Variants in ZNF644 observed in about 807,000 individuals in gnomAD.
The protein encoded by ZNF644 is zinc finger protein 644, also known as zinc finger motif enhancer binding protein 2.
Under a neutral mutation model 108.0 loss-of-function variants are expected in ZNF644, and 20 were observed. The observed-to-expected ratio is 0.19, with a 90% CI of 0.13 to 0.27. The LOEUF (loss-of-function observed/expected upper bound fraction) is 0.27, where lower values mean the gene tolerates loss of function less well. Among genes scored for constraint, ZNF644 ranks in the 10% least tolerant of loss-of-function variants. The pLI, the probability that ZNF644 is intolerant of heterozygous loss-of-function variation, is 1.00. For synonymous variants in ZNF644, 542 were observed against 539.1 expected (o/e 1.01, Z -0.08); for missense variants, 1,338 against 1,548.9 (o/e 0.86, Z 2.29).
At chr1:90,997,169 G>A (rs565185978) in intron 1 of ZNF644, among the ~76,000 whole-genome samples, 19 of 152,300 alleles carry the variant, frequency 1.2e-4, no homozygotes, top group Admixed American at 1.2e-3. Context: ...AGAAAGGGCT[G>A]TATACACGCC....
chr1:90,953,702 G>C (rs1653436374), intron 2 of ZNF644, among the ~76,000 whole-genome samples: 1 of 151,992 alleles, frequency 6.6e-6, no homozygotes. Flanking sequence ...ATCACCTGAG[G>C]TCAAGAGTTC....
chr1:91,021,849 G>A (rs1411316072), intron 1 of ZNF644, 141 bp downstream of exon 1: 1 of 397,496 alleles, frequency 2.5e-6, no homozygotes, highest in Non-Finnish European at 4.4e-6. Context: ...CCAGCCTAGG[G>A]CGTAGCTCCC....
intron 2 of ZNF644, among the ~76,000 whole-genome samples, chr1:90,948,821 C>T (rs192637607): frequency 2.4e-4 from 37 of 152,238 alleles, no homozygotes; most frequent in African/African-American, 8.7e-4. Flanking sequence ...TGGAACATAA[C>T]GAATGTATAC....
intron 1 of ZNF644, among the ~76,000 whole-genome samples, chr1:91,001,200 C>T (rs1356691566): frequency 6.6e-6 from 1 of 152,170 alleles, no homozygotes. Context: ...CCAGCATCAT[C>T]CTGATACCAA....
chr1:90,934,341 T>C (rs190365871), intron 4 of ZNF644, among the ~76,000 whole-genome samples: 48 of 152,002 alleles, frequency 3.2e-4, no homozygotes, highest in Non-Finnish European at 5.0e-4. Context: ...TTCTAGGACA[T>C]GAGGAAGAAC....
Position 90,937,898 on chromosome 1 carries a change from A to AT in ZNF644, c.3274dup (p.Ile1092AsnfsTer24), listed in dbSNP as rs769886813. On this transcript the variant is annotated frameshift_variant, in exon 4 of 6. Transcript: ENST00000337393. LOFTEE classifies it high-confidence loss of function. Reference sequence around the variant, plus strand: ...ACGACGACTGTTCAATGCCTTTAAGATTTTTTCATATTTTTCTTCATTTTG... The same window carrying AT: ...ACGACGACTGTTCAATGCCTTTAAGATTTTTTTCATATTTTTCTTCATTTTG... The AT allele has an allele frequency of 6.2e-7, 1 of 1,613,670 alleles. No individual in the cohort carries two copies. The highest frequency in any genetic ancestry group is 1.1e-5 in the South Asian group (1 of 91,062).
At chr1:90,959,942 G>A (rs548259363) in intron 2 of ZNF644, among the ~76,000 whole-genome samples, 8 of 152,060 alleles carry the variant, frequency 5.3e-5, no homozygotes, top group African/African-American at 1.2e-4. Flanking sequence ...GCTATTCTAC[G>A]GAGCTTGATG....
Position 91,014,259 on chromosome 1 carries a change from CA to C in ZNF644, c.-18+7730del, listed in dbSNP as rs34483576. Among the ~76,000 whole-genome samples the C allele has an allele frequency of 1.5e-3, 233 of 152,244 alleles. 4 individuals carry two copies. The highest frequency in any genetic ancestry group is 0.01 in the Middle Eastern group (3 of 294). ...TATTAACTATAGTTACTATGCCCCA[CA>C]AATTATCTCTTAACATATAATGTCA... On this transcript the variant is annotated intron_variant, in intron 1 of 5. Coordinates refer to ENST00000337393, the MANE Select transcript of ZNF644 (RefSeq NM_201269.3).
At chr1:90,948,214 T>A (rs1652719903) in intron 2 of ZNF644, among the ~76,000 whole-genome samples, 1 of 152,248 alleles carries the variant, frequency 6.6e-6, no homozygotes, top group Admixed American at 6.5e-5. Context: ...GTCAGATATC[T>A]ATTTGCTTAA....
At position 91,007,225 on chromosome 1, in the gene ZNF644, G is replaced by GTTTTTTTTTTTTTT. The variant is rs35761791; in HGVS notation, c.-18+14751_-18+14764dup. Among the ~76,000 whole-genome samples, 8 of 55,998 alleles carry GTTTTTTTTTTTTTT rather than the reference G, an allele frequency of 1.4e-4. 1 individual carries two copies. The highest frequency in any genetic ancestry group is 2.5e-4 in the Admixed American group (1 of 3,992). 36.7% of individuals were successfully genotyped at this position (55,998 alleles called of 152,430 possible). A position where few individuals can be genotyped will look rare whatever the true frequency, so the allele number is the denominator to read the frequency against. ...AATTTCTTCCATTTTCTCCCATTTT[G>GTTTTTTTTTTTTTT]TTTTTTTTTTTTTTTTTTTTTTTTT... On this transcript the variant is annotated intron_variant, in intron 1 of 5. Transcript: ENST00000337393.
chr1:90,980,174 G>C (rs1409372091), intron 2 of ZNF644, among the ~76,000 whole-genome samples: 1 of 152,158 alleles, frequency 6.6e-6, no homozygotes, highest in Non-Finnish European at 1.5e-5. Flanking sequence ...GACATGGATG[G>C]TATCTACCTT....
At chr1:90,933,720 C>T (rs1464912841) in intron 4 of ZNF644, among the ~76,000 whole-genome samples, 12 of 152,030 alleles carry the variant, frequency 7.9e-5, no homozygotes, top group African/African-American at 2.9e-4. Context: ...TTTTCCATTG[C>T]TTATTTTTAT....
chr1:91,012,904 C>A (rs1660091066), intron 1 of ZNF644, among the ~76,000 whole-genome samples: 1 of 152,144 alleles, frequency 6.6e-6, no homozygotes, highest in Admixed American at 6.5e-5. Context: ...TTTCTCAATT[C>A]TCATCCTTCT....
At chr1:90,984,759 G>C (rs1656925789) in intron 1 of ZNF644, among the ~76,000 whole-genome samples, 4 of 152,150 alleles carry the variant, frequency 2.6e-5, no homozygotes, top group South Asian at 4.1e-4. Flanking sequence ...GCAAAAGAGA[G>C]ATGCCTCAGG....
At chr1:90,949,975 G>A (rs1342248337) in intron 2 of ZNF644, among the ~76,000 whole-genome samples, 2 of 151,856 alleles carry the variant, frequency 1.3e-5, no homozygotes, top group Admixed American at 1.3e-4. Context: ...TTCATTTATT[G>A]ATTCAAAAAA....
At chr1:90,991,035 A>G (rs997562622) in intron 1 of ZNF644, among the ~76,000 whole-genome samples, 1 of 152,166 alleles carries the variant, frequency 6.6e-6, no homozygotes, top group Non-Finnish European at 1.5e-5. Flanking sequence ...TACTTTAAAT[A>G]TGTGTACTTT....
At position 90,951,023 on chromosome 1, in the gene ZNF644, G is replaced by T. The variant is rs117169779; in HGVS notation, c.45-9714C>A. ...TCAGTTGTTCAGGCCAATAACCTTG[G>T]AGCAACCTTCACTGTTCTTGTTTAC... On this transcript the variant is annotated intron_variant, in intron 2 of 5. Transcript: ENST00000337393. Among the ~76,000 whole-genome samples, 14 of 152,206 alleles carry T rather than the reference G, an allele frequency of 9.2e-5. No homozygotes were observed. In the East Asian group the frequency reaches 2.7e-3, roughly 29 times the overall value.
chr1:90,982,341 A>C lies in ZNF644; in HGVS notation c.13T>G (p.Leu5Val). The stretch of plus-strand genomic sequence containing the variant: ...TTTGTCTTATTAACATCTTGCTGCA[A>C]GAACGATCTCATCCAAAATTAAATC... MRSFLQQDVNKTKSR... is the reference protein window; with the variant it reads MRSFVQQDVNKTKSR... Residue 5 changes from leucine (L) to valine (V), a missense_variant, in exon 2 of 6, where the codon TTG (leucine) becomes GTG (valine). This residue lies in a region of ZNF644 where 464 missense variants were observed against 457.9 expected (regional missense o/e 1.01). Coordinates refer to ENST00000337393, the MANE Select transcript of ZNF644 (RefSeq NM_201269.3). 6.2e-7 allele frequency: 1 copy of C among 1,610,980 alleles called. No individual in the cohort carries two copies. Among genetic ancestry groups the C allele is most frequent in the South Asian group, 1.1e-5 (1 of 91,042 alleles).
intron 4 of ZNF644, among the ~76,000 whole-genome samples, chr1:90,925,098 A>G (rs980148562): frequency 6.6e-6 from 1 of 152,208 alleles, no homozygotes; most frequent in African/African-American, 2.4e-5. Flanking sequence ...CATGTTAGAG[A>G]GAAGGAAAGC....
Sources: gnomAD v4.1 joint callset for allele counts (sites outside exome capture counted in the v4.1 genomes callset) on GRCh38, gnomAD v4.1.1 for gene constraint, gnomAD v4.1.1 regional missense constraint, MANE v1.5 for transcripts, NCBI Gene and HGNC (gene_info 2026-07-23, HGNC 2026-07-21) for gene names.